The following C10orf67 variants were observed in gnomAD, a reference collection of about 807,000 sequenced individuals.
C10orf67 encodes chromosome 10 open reading frame 67.
C10orf67 carries 60 observed loss-of-function variants against 35.6 expected under a neutral mutation model. The observed-to-expected ratio is 1.68, with a 90% confidence interval of 1.37 to 2.09. The LOEUF (loss-of-function observed/expected upper bound fraction) is 2.09. Among genes scored for constraint, C10orf67 ranks in the 30% most tolerant of loss-of-function variants. The probability of loss-of-function intolerance (pLI) is 0.00; values close to 1 mark genes in which losing one functional copy is unlikely to be tolerated. For synonymous variants in C10orf67, 167 were observed against 115.8 expected, an observed-to-expected ratio of 1.44 and a Z score of -2.84; for missense variants, 474 against 330.2, an observed-to-expected ratio of 1.44 and a Z score of -3.38.
intron 8 of C10orf67, among the ~76,000 whole-genome samples, chr10:23,271,674 T>C (rs1473254547): frequency 6.6e-6 from 1 of 152,212 alleles, no homozygotes; most frequent in African/African-American, 2.4e-5. Flanking sequence ...TAAAGACTAA[T>C]GATGTTGAGC....
chr10:23,337,618 C>G (rs1845737727), intron 1 of C10orf67, among the ~76,000 whole-genome samples: 1 of 152,052 alleles, frequency 6.6e-6, no homozygotes, highest in South Asian at 2.1e-4. Flanking sequence ...ATTGTAATAC[C>G]TAGAAAATAG....
At chr10:23,258,792 A>G (rs1002623861) in intron 10 of C10orf67, among the ~76,000 whole-genome samples, 2 of 152,220 alleles carry the variant, frequency 1.3e-5, no homozygotes, top group Non-Finnish European at 2.9e-5. Context: ...CCCCAGGAAT[A>G]TGGAACATGG....
Position 23,291,286 on chromosome 10 carries a change from G to A in C10orf67, c.703-7C>T, listed in dbSNP as rs775469738. On this transcript the variant is annotated splice_polypyrimidine_tract_variant and splice_region_variant and intron_variant, in intron 5 of 15. Coordinates refer to ENST00000636213, the MANE Select transcript of C10orf67 (RefSeq NM_001371909.1). ...TTTCTTTGGCAAAAGATTCCTAAAA[G>A]ATGGAGAATGCCATATTCCTAAGCA... 1.4e-5 allele frequency: 10 copies of A among 713,508 alleles called. No individual in the cohort carries two copies. Among genetic ancestry groups the A allele is most frequent in the South Asian group, 1.2e-4 (8 of 66,762 alleles). 44.2% of individuals were successfully genotyped at this position (713,508 alleles called of 1,614,324 possible).
At chr10:23,273,071 G>C (rs537619476) in intron 8 of C10orf67, among the ~76,000 whole-genome samples, 26 of 152,196 alleles carry the variant, frequency 1.7e-4, no homozygotes, top group African/African-American at 6.0e-4. Context: ...AATTCTAGTA[G>C]CTATTTTTGT....
chr10:23,320,174 T>C (rs1239023866), intron 4 of C10orf67, among the ~76,000 whole-genome samples: 6 of 152,142 alleles, frequency 3.9e-5, no homozygotes, highest in Non-Finnish European at 8.8e-5. Context: ...GATAAGAAAC[T>C]TGTAAACAGT....
At chr10:23,214,893 C>G (rs146826111) in intron 15 of C10orf67, among the ~76,000 whole-genome samples, 1 of 151,964 alleles carries the variant, frequency 6.6e-6, no homozygotes, top group Non-Finnish European at 1.5e-5. Flanking sequence ...CATGGTGGCA[C>G]GCACCTGTAA....
intron 13 of C10orf67, among the ~76,000 whole-genome samples, chr10:23,236,421 ACT>A (rs1356000356): frequency 4.6e-5 from 7 of 151,652 alleles, no homozygotes; most frequent in Admixed American, 2.6e-4. Flanking sequence ...ACAGAGTGAG[ACT>A]CTGTCTCAAA....
At chr10:23,204,982 C>CG (rs1298011460) in intron 15 of C10orf67, among the ~76,000 whole-genome samples, 7 of 152,168 alleles carry the variant, frequency 4.6e-5, no homozygotes, top group Admixed American at 2.0e-4. Flanking sequence ...TTGCAGCCTG[C>CG]GGTCACCGGT....
chr10:23,308,609 G>A (rs1457496218), intron 4 of C10orf67, among the ~76,000 whole-genome samples: 2 of 152,032 alleles, frequency 1.3e-5, no homozygotes, highest in African/African-American at 4.8e-5. Flanking sequence ...CCTCTTAGCC[G>A]ACCCAACAAA....
At chr10:23,297,459 T>C (rs184405850) in intron 5 of C10orf67, among the ~76,000 whole-genome samples, 2 of 152,320 alleles carry the variant, frequency 1.3e-5, no homozygotes, top group African/African-American at 2.4e-5. Context: ...TTCACCCTTT[T>C]TCCTTCTCTT....
At chr10:23,248,679 C>T (rs1842374833) in intron 12 of C10orf67, among the ~76,000 whole-genome samples, 1 of 152,122 alleles carries the variant, frequency 6.6e-6, no homozygotes, top group Non-Finnish European at 1.5e-5. Flanking sequence ...CCATATCACA[C>T]CACGATGAAG....
At chr10:23,239,649 T>C in intron 13 of C10orf67, 80 bp downstream of exon 13, 1 of 580,092 alleles carries the variant, frequency 1.7e-6, no homozygotes, top group Non-Finnish European at 3.4e-6. Context: ...AGGGGCTTGA[T>C]AAACCTTAAA....
chr10:23,240,116 G>A (rs1465325735), intron 12 of C10orf67, among the ~76,000 whole-genome samples: 1 of 152,048 alleles, frequency 6.6e-6, no homozygotes, highest in African/African-American at 2.4e-5. Flanking sequence ...ACCTGAGTCT[G>A]GGAGGTCAAG....
At chr10:23,296,071 T>G (rs1285081532) in intron 5 of C10orf67, among the ~76,000 whole-genome samples, 5 of 152,252 alleles carry the variant, frequency 3.3e-5, no homozygotes, top group Admixed American at 6.5e-5. Flanking sequence ...AAACCATAAA[T>G]TGTATTCAAA....
intron 5 of C10orf67, among the ~76,000 whole-genome samples, chr10:23,301,691 G>C (rs1482763578): frequency 6.6e-6 from 1 of 152,154 alleles, no homozygotes; most frequent in African/African-American, 2.4e-5. Context: ...TGCGGTGGTG[G>C]TGGGCCTCTT....
At chr10:23,276,904 G>C (rs1442716896) in intron 8 of C10orf67, among the ~76,000 whole-genome samples, 1 of 152,124 alleles carries the variant, frequency 6.6e-6, no homozygotes, top group Non-Finnish European at 1.5e-5. Flanking sequence ...CCAGGGAAAG[G>C]AATTGGTGAA....
chr10:23,236,253 G>GAAAAAAAAAAAAAA (rs368833212), intron 13 of C10orf67, among the ~76,000 whole-genome samples: 2 of 75,804 alleles, frequency 2.6e-5, no homozygotes, highest in African/African-American at 1.2e-4. Context: ...CCTCTCGGGG[G>GAAAAAAAAAAAAAA]AAAAAAAAAA....
intron 13 of C10orf67, among the ~76,000 whole-genome samples, chr10:23,234,297 G>A (rs989886900): frequency 6.6e-6 from 1 of 152,176 alleles, no homozygotes; most frequent in Non-Finnish European, 1.5e-5. Context: ...TGATATACTG[G>A]ATAATGAAAA....
Position 23,320,631 on chromosome 10 carries a change from C to G in C10orf67, c.546+110G>C, listed in dbSNP as rs1360423483. 6.7e-6 allele frequency: 5 copies of G among 745,602 alleles called. No homozygotes were observed. In the East Asian group the frequency reaches 1.4e-4, roughly 20 times the overall value. The allele number at this position is 745,602 out of a possible 1,614,324, so 46.2% of individuals were successfully genotyped here. A position where few individuals can be genotyped will look rare whatever the true frequency, so the allele number is the denominator to read the frequency against. On this transcript the variant is annotated intron_variant, in intron 4 of 15. Coordinates refer to ENST00000636213, the MANE Select transcript of C10orf67 (RefSeq NM_001371909.1). The stretch of plus-strand genomic sequence containing the variant: ...GTGACCTGAAAATCGAGGAAACAGG[C>G]CTTCAGAGCTGGAAACACAGACTGG...
Sources: gnomAD v4.1 joint callset for allele counts (sites outside exome capture counted in the v4.1 genomes callset) on GRCh38, gnomAD v4.1.1 for gene constraint, MANE v1.5 for transcripts, NCBI Gene and HGNC (gene_info 2026-07-23, HGNC 2026-07-21) for gene names.